Variants in LOXHD1 observed in about 807,000 individuals in gnomAD.
LOXHD1 encodes lipoxygenase homology PLAT domains 1.
Under a neutral mutation model 248.2 loss-of-function variants are expected in LOXHD1, and 205 were observed. That is an observed-to-expected ratio of 0.83 (90% CI 0.74 to 0.93). The LOEUF is 0.93. LOXHD1 is among the 40% of genes least tolerant of loss of function. The pLI, the probability that LOXHD1 is intolerant of heterozygous loss-of-function variation, is 0.00. For missense variants in LOXHD1, 2,930 were observed against 2,971.6 expected, an observed-to-expected ratio of 0.99 and a Z score of 0.33; for synonymous variants, 1,113 against 1,162.8, an observed-to-expected ratio of 0.96 and a Z score of 0.87.
chr18:46,523,858 C>T (rs901270034), intron 31 of LOXHD1, among the ~76,000 whole-genome samples: 3 of 152,052 alleles, frequency 2.0e-5, no homozygotes, highest in Non-Finnish European at 2.9e-5. Context: ...TCCACAGATC[C>T]ACCATGTGGC....
intron 14 of LOXHD1, among the ~76,000 whole-genome samples, chr18:46,576,505 C>A (rs1023553929): frequency 6.6e-6 from 1 of 152,172 alleles, no homozygotes; most frequent in Non-Finnish European, 1.5e-5. Flanking sequence ...CCCACCCTCC[C>A]TTTTCCTCTC....
At chr18:46,584,694 G>A (rs1019581884) in intron 12 of LOXHD1, among the ~76,000 whole-genome samples, 3 of 151,980 alleles carry the variant, frequency 2.0e-5, no homozygotes, top group African/African-American at 7.2e-5. Context: ...AATAGAAGAG[G>A]AGGGAACATT....
intron 2 of LOXHD1, among the ~76,000 whole-genome samples, chr18:46,643,901 G>A (rs2038995351): frequency 6.6e-6 from 1 of 152,128 alleles, no homozygotes; most frequent in Non-Finnish European, 1.5e-5. Flanking sequence ...AAAAGAAAAG[G>A]TAGGTTAAGA....
At chr18:46,575,886 G>A (rs1004358020) in intron 14 of LOXHD1, among the ~76,000 whole-genome samples, 3 of 152,190 alleles carry the variant, frequency 2.0e-5, no homozygotes, top group African/African-American at 4.8e-5. Context: ...GGCCTTCCTC[G>A]CATGCAAGAG....
chr18:46,477,365 GC>G lies in LOXHD1; in HGVS notation c.*106del. 1 of 1,467,260 alleles carries G rather than the reference GC, an allele frequency of 6.8e-7. No homozygotes were observed. Among genetic ancestry groups the G allele is most frequent in the Non-Finnish European group, 9.3e-7 (1 of 1,079,380 alleles). 90.9% of individuals were successfully genotyped at this position (1,467,260 alleles called of 1,614,324 possible). A position where few individuals can be genotyped will look rare whatever the true frequency, so the allele number is the denominator to read the frequency against. ...CCATGAAGTTCTCAGTGGACTGCTAGCCCCCAGTGCCAATGCTAGAGGCTTT... is the reference window on the plus strand; with the variant it reads ...CCATGAAGTTCTCAGTGGACTGCTAGCCCCAGTGCCAATGCTAGAGGCTTT... On this transcript the variant is annotated 3_prime_UTR_variant, in exon 41 of 41. Transcript: ENST00000642948.
Position 46,594,875 on chromosome 18 carries a change from C to T in LOXHD1, c.1135-409G>A, listed in dbSNP as rs1028552154. Among the ~76,000 whole-genome samples, 6 of 152,112 alleles carry T rather than the reference C, an allele frequency of 3.9e-5. No individual in the cohort carries two copies. The South Asian group carries it at 1.2e-3, about 32-fold the overall frequency. ...AATATCTGGAATGTAATATAAAAAC[C>T]AACTTCTCTCTTTTAGGCTTGATCC... On this transcript the variant is annotated intron_variant, in intron 8 of 40. Transcript: ENST00000642948.
intron 21 of LOXHD1, among the ~76,000 whole-genome samples, chr18:46,550,579 C>CAAAAAAAAAAAAA (rs754046200): frequency 4.0e-4 from 18 of 45,450 alleles, no homozygotes; most frequent in Non-Finnish European, 5.1e-4. Flanking sequence ...GACTCCGTCT[C>CAAAAAAAAAAAAA]AAAAAAAAAA....
intron 12 of LOXHD1, among the ~76,000 whole-genome samples, chr18:46,591,018 ACT>A (rs1194752281): frequency 1.3e-5 from 2 of 152,212 alleles, no homozygotes; most frequent in South Asian, 2.1e-4. Context: ...TGAGTATTTA[ACT>A]CTGATCAAAC....
At chr18:46,573,022 C>CAAAAA (rs71162809) in intron 14 of LOXHD1, among the ~76,000 whole-genome samples, 3,775 of 57,006 alleles carry the variant, frequency 0.066, 562 homozygotes, top group Non-Finnish European at 0.09. Flanking sequence ...GACTCCGTCT[C>CAAAAA]AAAAAAAAAA....
chr18:46,548,348 T>C (rs2036937776), intron 21 of LOXHD1, among the ~76,000 whole-genome samples: 1 of 152,194 alleles, frequency 6.6e-6, no homozygotes. Context: ...CATCCCTGTC[T>C]GAGTCCCACA....
At position 46,477,970 on chromosome 18, in the gene LOXHD1, G is replaced by C. The variant is rs745332607; in HGVS notation, c.6342-18C>G. On this transcript the variant is annotated intron_variant, in intron 40 of 40. Coordinates refer to ENST00000642948, the MANE Select transcript of LOXHD1 (RefSeq NM_001384474.1). ...AGAAGTACCTGGCAGAGAGGTGGGA[G>C]AGTGGAGGGGTAGGGGCTAAGCAGA... The C allele has an allele frequency of 1.3e-6, 2 of 1,542,196 alleles. No homozygotes were observed. The highest frequency in any genetic ancestry group is 1.8e-6 in the Non-Finnish European group (2 of 1,140,454).
intron 21 of LOXHD1, among the ~76,000 whole-genome samples, chr18:46,553,074 G>A (rs923382740): frequency 1.3e-5 from 2 of 152,176 alleles, no homozygotes; most frequent in African/African-American, 4.8e-5. Context: ...AACCACCACT[G>A]TCACTGTGCC....
intron 7 of LOXHD1, among the ~76,000 whole-genome samples, chr18:46,603,085 G>A (rs1157923201): frequency 6.6e-6 from 1 of 152,116 alleles, no homozygotes; most frequent in Non-Finnish European, 1.5e-5. Context: ...TTAGGCTTCT[G>A]AACAGCAGCA....
chr18:46,534,388 G>T lies in LOXHD1; in HGVS notation c.4159C>A (p.Pro1387Thr). ...RIGHNNTGMN[P>T]GWHCSHVDIR... is the part of the protein sequence containing the mutation. Reference sequence around the variant, plus strand: ...TCCACGTGAGAGCAGTGCCACCCAGGATTCATGCCCGTGTTATTATGGCCA... The same window carrying T: ...TCCACGTGAGAGCAGTGCCACCCAGTATTCATGCCCGTGTTATTATGGCCA... The change falls in exon 27 of 41, where the codon CCT becomes ACT. Residue 1387 changes from proline (P) to threonine (T), a missense_variant. Transcript: ENST00000642948. 1 of 1,551,648 alleles carries T rather than the reference G, an allele frequency of 6.4e-7. No individual in the cohort carries two copies. Among genetic ancestry groups the T allele is most frequent in the Non-Finnish European group, 8.7e-7 (1 of 1,146,976 alleles).
intron 15 of LOXHD1, among the ~76,000 whole-genome samples, chr18:46,569,937 A>G (rs1336001108): frequency 6.6e-6 from 1 of 152,232 alleles, no homozygotes; most frequent in Non-Finnish European, 1.5e-5. Flanking sequence ...GAACATCAAA[A>G]CATAAGAGCC....
chr18:46,593,146 A>T (rs1159057341), intron 10 of LOXHD1, among the ~76,000 whole-genome samples: 2 of 152,190 alleles, frequency 1.3e-5, no homozygotes, highest in African/African-American at 4.8e-5. Flanking sequence ...CATTGGGGGA[A>T]AAAATCTTTG....
In LOXHD1 at chr18:46,509,201, C is replaced by G. The variant is rs530714539; in HGVS notation, c.5517+497G>C. 5.3e-5 allele frequency among the ~76,000 whole-genome samples: 8 copies of G among 152,292 alleles called. No individual in the cohort carries two copies. The South Asian group carries it at 1.5e-3, about 28-fold the overall frequency. ...AGGCTGGCTTCAGCCCAACTGAGAG[C>G]TTAAGGATCCAGGTTCCTCAGGCAG... On this transcript the variant is annotated intron_variant, in intron 35 of 40. Transcript: ENST00000642948.
chr18:46,498,666 C>T (rs2034026982), intron 37 of LOXHD1, among the ~76,000 whole-genome samples: 1 of 152,206 alleles, frequency 6.6e-6, no homozygotes, highest in Non-Finnish European at 1.5e-5. Context: ...GTTTCAGCAT[C>T]TTTCCATGTT....
At chr18:46,501,340 T>G (rs950892047) in intron 37 of LOXHD1, among the ~76,000 whole-genome samples, 6 of 152,228 alleles carry the variant, frequency 3.9e-5, no homozygotes, top group African/African-American at 1.4e-4. Flanking sequence ...AATTGTCCTT[T>G]TCATGGTCTA....
Sources: allele counts gnomAD v4.1 joint callset (sites outside exome capture counted in the v4.1 genomes callset), GRCh38; gene constraint gnomAD v4.1.1; transcripts MANE v1.5; gene names NCBI Gene and HGNC (gene_info 2026-07-23, HGNC 2026-07-21).